TBC1D16: variants seen among roughly 807,000 people sequenced by gnomAD.
TBC1D16 encodes the protein TBC1 domain family member 16, also known as CTD-2529O21.1.
Under a neutral mutation model 74.7 loss-of-function variants are expected in TBC1D16, and 58 were observed. That is an observed-to-expected ratio of 0.78 (90% CI 0.63 to 0.97). The LOEUF (loss-of-function observed/expected upper bound fraction) is 0.97. Among genes scored for constraint, TBC1D16 ranks in the 50% least tolerant of loss-of-function variants. TBC1D16 has a pLI of 0.00. For missense variants in TBC1D16, 1,014 were observed against 1,079.5 expected (o/e 0.94, Z 0.85); for synonymous variants, 493 against 474.7 (o/e 1.04, Z -0.50).
In TBC1D16 at chr17:79,981,923, A is replaced by G. The variant is rs768664326; in HGVS notation, c.779+28237T>C. Among the ~76,000 whole-genome samples the G allele has an allele frequency of 1.6e-4, 25 of 151,960 alleles. No homozygotes were observed. Among genetic ancestry groups the G allele is most frequent in the Non-Finnish European group, 2.6e-4 (18 of 67,940 alleles). ...CTTCCCTGTGCGCACACACACACGC[A>G]CACACACACACATGCACATGTATTA... On this transcript the variant is annotated intron_variant, in intron 3 of 11. Transcript: ENST00000310924. The surrounding 1 kb of genome is among the most constrained non-coding windows in gnomAD (Gnocchi z 6.9).
chr17:79,969,770 C>T (rs1017620929), intron 3 of TBC1D16, among the ~76,000 whole-genome samples: 21 of 152,050 alleles, frequency 1.4e-4, no homozygotes, highest in Admixed American at 9.8e-4. Flanking sequence ...GGTGAAACCC[C>T]ATCTCTACTA....
rs775745465 is a variant in TBC1D16 at position 79,952,745 on chromosome 17, C to T, written c.853G>A (p.Glu285Lys). 4.5e-5 allele frequency: 72 copies of T among 1,612,116 alleles called. No individual in the cohort carries two copies. The highest frequency in any genetic ancestry group is 1.6e-4 in the Middle Eastern group (1 of 6,076). ...NGLLQTPRWD[E>K]PQRVCALEQI... ...TCCAGGGCGCACACCCGCTGCGGCT[C>T]GTCCCAGCGTGGGGTCTGCAGGAGG... The change falls in exon 4 of 12, where the codon GAG (glutamate) becomes AAG (lysine). Residue 285 changes from glutamate (E) to lysine (K), a missense_variant. Transcript: ENST00000310924.
At chr17:80,012,011 G>A (rs1244184532) in intron 2 of TBC1D16, among the ~76,000 whole-genome samples, 1 of 152,162 alleles carries the variant, frequency 6.6e-6, no homozygotes, top group African/African-American at 2.4e-5. Context: ...GCCAGAGCAA[G>A]TGGGTGGGTG....
chr17:79,941,904 T>G lies in TBC1D16; in HGVS notation c.2055+156A>C, dbSNP rs1598308822. ...CCTTAGTGGGGAGCCCCCAGTGCTA[T>G]GGGTGGGGGAGGGCACGTGCTGGGG... On this transcript the variant is annotated intron_variant, in intron 11 of 11. Transcript: ENST00000310924. This position sits in a 1 kb window ranked among gnomAD's most constrained non-coding sequence, Gnocchi z 4.3. Among the ~76,000 whole-genome samples the G allele has an allele frequency of 1.7e-5, 2 of 121,036 alleles. No homozygotes were observed. The highest frequency in any genetic ancestry group is 2.9e-4 in the South Asian group (1 of 3,490). The allele number at this position is 121,036 out of a possible 152,430, so 79.4% of individuals were successfully genotyped here. A position where few individuals can be genotyped will look rare whatever the true frequency, so the allele number is the denominator to read the frequency against.
At position 79,986,190 on chromosome 17, in the gene TBC1D16, G is replaced by A. The variant is rs1045222916; in HGVS notation, c.779+23970C>T. ...CAATTTCCTCGTGGTCCCAAAGTGC[G>A]GGAGGGAGGGCAGGAGGCGGCAAGC... On this transcript the variant is annotated intron_variant, in intron 3 of 11. Coordinates refer to ENST00000310924, the MANE Select transcript of TBC1D16 (RefSeq NM_019020.4). The surrounding 1 kb of genome is among the most constrained non-coding windows in gnomAD (Gnocchi z 6.0). 4.6e-5 allele frequency among the ~76,000 whole-genome samples: 7 copies of A among 152,222 alleles called. No individual in the cohort carries two copies. In the South Asian group the frequency reaches 1.0e-3, roughly 22 times the overall value.
At chr17:79,999,966 C>G (rs1192555442) in intron 3 of TBC1D16, among the ~76,000 whole-genome samples, 1 of 152,128 alleles carries the variant, frequency 6.6e-6, no homozygotes, top group Non-Finnish European at 1.5e-5. Context: ...TCGCTCAGCT[C>G]TAGGGGTCGA....
At chr17:80,005,380 G>A (rs1034793738) in intron 3 of TBC1D16, among the ~76,000 whole-genome samples, 4 of 152,190 alleles carry the variant, frequency 2.6e-5, no homozygotes, top group African/African-American at 9.6e-5. Context: ...ATGGCGCCCC[G>A]TTATTCCACA....
intron 3 of TBC1D16, among the ~76,000 whole-genome samples, chr17:79,973,492 A>G (rs970589617): frequency 1.3e-5 from 2 of 152,142 alleles, no homozygotes; most frequent in East Asian, 1.9e-4. Flanking sequence ...GGCGGATCAC[A>G]AGGTCAGGAG....
intron 1 of TBC1D16, among the ~76,000 whole-genome samples, chr17:80,022,415 C>A (rs1049436362): frequency 6.7e-6 from 1 of 149,890 alleles, no homozygotes; most frequent in African/African-American, 2.5e-5. Context: ...TGGCTCACTG[C>A]AACCTCTTCC....
At chr17:79,984,297 G>T (rs1045504375) in intron 3 of TBC1D16, among the ~76,000 whole-genome samples, 4 of 152,166 alleles carry the variant, frequency 2.6e-5, no homozygotes, top group African/African-American at 9.7e-5. Context: ...GTGAACCACT[G>T]TGCCTGGCCT....
chr17:79,957,909 A>G (rs1170544002), intron 3 of TBC1D16, among the ~76,000 whole-genome samples: 2 of 152,058 alleles, frequency 1.3e-5, no homozygotes, highest in Non-Finnish European at 2.9e-5. Context: ...TGGGACACAT[A>G]TATGATAAAG....
Position 79,944,222 on chromosome 17 carries a change from G to C in TBC1D16, c.1908+686C>G. On this transcript the variant is annotated intron_variant, in intron 10 of 11. Coordinates refer to ENST00000310924, the MANE Select transcript of TBC1D16 (RefSeq NM_019020.4). The surrounding 1 kb of genome is among the most constrained non-coding windows in gnomAD (Gnocchi z 7.7). ...GCTGCTGGAGCTGCCGTGGTGGATAGAGCCAGCTCCTGCAAAAGGGTCCAG... is the reference window on the plus strand; with the variant it reads ...GCTGCTGGAGCTGCCGTGGTGGATACAGCCAGCTCCTGCAAAAGGGTCCAG... 3 of 1,388,506 alleles carry C rather than the reference G, an allele frequency of 2.2e-6. No homozygotes were observed. The highest frequency in any genetic ancestry group is 5.0e-5 in the East Asian group (2 of 39,776). The allele number at this position is 1,388,506 out of a possible 1,614,324, so 86.0% of individuals were successfully genotyped here. A position where few individuals can be genotyped will look rare whatever the true frequency, so the allele number is the denominator to read the frequency against.
chr17:79,969,760 G>A (rs2033998486), intron 3 of TBC1D16, among the ~76,000 whole-genome samples: 1 of 151,998 alleles, frequency 6.6e-6, no homozygotes, highest in Admixed American at 6.6e-5. Context: ...TGCCCAATAT[G>A]GTGAAACCCC....
Position 79,986,407 on chromosome 17 carries a change from G to C in TBC1D16, c.779+23753C>G, listed in dbSNP as rs1356148870. Among the ~76,000 whole-genome samples, 1 of 152,232 alleles carries C rather than the reference G, an allele frequency of 6.6e-6. No individual in the cohort carries two copies. The highest frequency in any genetic ancestry group is 2.4e-5 in the African/African-American group (1 of 41,456). ...TGCAGCGTTTCAAAGCAAAGCTCAA[G>C]AGTGGATTCCTCAGTGCAGTATCGT... On this transcript the variant is annotated intron_variant, in intron 3 of 11. Coordinates refer to ENST00000310924, the MANE Select transcript of TBC1D16 (RefSeq NM_019020.4). This position sits in a 1 kb window ranked among gnomAD's most constrained non-coding sequence, Gnocchi z 6.0.
rs890879393 is a variant in TBC1D16, at chr17:79,980,419, T to A, written c.780-27601A>T. ...GGAGGAACAAGACACTAAGAAGAGG[T>A]TCCCAGGGGAACATGCAGTGGGAGT... On this transcript the variant is annotated intron_variant, in intron 3 of 11. Transcript: ENST00000310924. This position sits in a 1 kb window ranked among gnomAD's most constrained non-coding sequence, Gnocchi z 7.0. Among the ~76,000 whole-genome samples, 2 of 150,468 alleles carry A rather than the reference T, an allele frequency of 1.3e-5. No homozygotes were observed. Among genetic ancestry groups the A allele is most frequent in the Non-Finnish European group, 3.0e-5 (2 of 67,680 alleles).
intron 3 of TBC1D16, among the ~76,000 whole-genome samples, chr17:79,995,546 G>GATGCCA (rs2035238075): frequency 6.7e-6 from 1 of 149,580 alleles, no homozygotes; most frequent in Admixed American, 6.8e-5. Flanking sequence ...AGCACTTTGG[G>GATGCCA]AGGCTGAGGT....
In TBC1D16 at chr17:79,955,348, G is replaced by A. The variant is rs543947805; in HGVS notation, c.780-2530C>T. ...GCTGCTGTGGGGTGGGGGTTGCATC[G>A]TGTCTCTTCATCTTCAGCTCCCAGC... is the stretch of plus-strand genomic sequence containing the variant. On this transcript the variant is annotated intron_variant, in intron 3 of 11. Coordinates refer to ENST00000310924, the MANE Select transcript of TBC1D16 (RefSeq NM_019020.4). Among the ~76,000 whole-genome samples the A allele has an allele frequency of 5.9e-5, 9 of 152,268 alleles. No homozygotes were observed. In the South Asian group the frequency reaches 1.2e-3, roughly 21 times the overall value.
intron 3 of TBC1D16, among the ~76,000 whole-genome samples, chr17:79,997,493 C>T (rs1010172183): frequency 3.3e-5 from 5 of 152,174 alleles, no homozygotes; most frequent in Non-Finnish European, 7.3e-5. Context: ...ATCCACAAAC[C>T]ATGGCCCGAG....
rs59043351 is a variant in TBC1D16 at position 79,942,531 on chromosome 17, T to TG, written c.1909-326dup. 4.4e-3 allele frequency among the ~76,000 whole-genome samples: 243 copies of TG among 55,154 alleles called. 1 individual carries two copies. Among genetic ancestry groups the TG allele is most frequent in the African/African-American group, 0.012 (208 of 17,104 alleles). The allele number at this position is 55,154 out of a possible 152,430, so 36.2% of individuals were successfully genotyped here. A position where few individuals can be genotyped will look rare whatever the true frequency, so the allele number is the denominator to read the frequency against. On this transcript the variant is annotated intron_variant, in intron 10 of 11. Transcript: ENST00000310924. Reference sequence around the variant, plus strand: ...GGTGGTCTCCATGACAGGGTGGGGGTGGGGGGGTACAAAGAGCACCCTTCC... The same window carrying TG: ...GGTGGTCTCCATGACAGGGTGGGGGTGGGGGGGGTACAAAGAGCACCCTTCC...
Sources: gnomAD v4.1 joint callset for allele counts (sites outside exome capture counted in the v4.1 genomes callset) on GRCh38, gnomAD v4.1.1 for gene constraint, Gnocchi (gnomAD v3.1) non-coding constraint, MANE v1.5 for transcripts, NCBI Gene and HGNC (gene_info 2026-07-23, HGNC 2026-07-21) for gene names.